ELP4: variants seen among roughly 807,000 people sequenced by gnomAD.
The protein encoded by ELP4 is elongator complex protein 4.
A neutral mutation model predicts 48.9 loss-of-function variants in ELP4; 51 were observed. That is an observed-to-expected ratio of 1.04 (90% CI 0.83 to 1.32). The LOEUF is 1.32. Ranked by LOEUF, ELP4 falls within the 40% of genes most tolerant of loss-of-function variation. ELP4 has a pLI of 0.00. For missense variants in ELP4, 519 were observed against 514.6 expected, an observed-to-expected ratio of 1.01 and a Z score of -0.08; for synonymous variants, 210 against 189.2, an observed-to-expected ratio of 1.11 and a Z score of -0.90.
intron 2 of ELP4, among the ~76,000 whole-genome samples, chr11:31,537,031 G>C (rs1460968590): frequency 1.3e-5 from 2 of 151,994 alleles, no homozygotes; most frequent in Non-Finnish European, 2.9e-5. Context: ...ATGCTTTCAT[G>C]TCCTAAGAAA....
At chr11:31,574,290 G>A (rs1957232354) in intron 3 of ELP4, among the ~76,000 whole-genome samples, 1 of 152,220 alleles carries the variant, frequency 6.6e-6, no homozygotes. Context: ...CCTCCAGGAA[G>A]CTTGAGCTGA....
intron 3 of ELP4, among the ~76,000 whole-genome samples, chr11:31,591,426 G>T (rs1447426805): frequency 3.7e-5 from 1 of 26,756 alleles, no homozygotes; most frequent in Non-Finnish European, 1.9e-4. Context: ...AAAAAAAGGG[G>T]GGGGGGGGGT....
At chr11:31,522,947 A>G (rs886339048) in intron 2 of ELP4, among the ~76,000 whole-genome samples, 1 of 151,044 alleles carries the variant, frequency 6.6e-6, no homozygotes, top group Non-Finnish European at 1.5e-5. Flanking sequence ...GCAGCCTCCA[A>G]CTCCTGGGCT....
intron 5 of ELP4, among the ~76,000 whole-genome samples, chr11:31,623,937 A>T (rs1592167981): frequency 6.6e-6 from 1 of 151,782 alleles, no homozygotes. Context: ...AGCCATACAG[A>T]TGGCCAACAC....
chr11:31,714,085 A>G (rs1034746512), intron 9 of ELP4, among the ~76,000 whole-genome samples: 3 of 152,188 alleles, frequency 2.0e-5, no homozygotes, highest in African/African-American at 7.2e-5. Flanking sequence ...AGAAAAGACC[A>G]GCACTGTATG....
intron 9 of ELP4, among the ~76,000 whole-genome samples, chr11:31,699,872 A>C (rs1946485408): frequency 6.6e-6 from 1 of 152,158 alleles, no homozygotes; most frequent in Non-Finnish European, 1.5e-5. Context: ...AATAGTAGAT[A>C]GATCTAAGTT....
At chr11:31,568,361 C>A (rs1957145668) in intron 3 of ELP4, among the ~76,000 whole-genome samples, 1 of 152,180 alleles carries the variant, frequency 6.6e-6, no homozygotes, top group Non-Finnish European at 1.5e-5. Flanking sequence ...GGCCATACTG[C>A]TCATAGCAAT....
intron 2 of ELP4, 90 bp from the exon 3 acceptor site, chr11:31,539,571 AT>A (rs1217988680): frequency 7.6e-5 from 102 of 1,337,432 alleles, no homozygotes; most frequent in Non-Finnish European, 9.6e-5. Flanking sequence ...AGGAAAAAAA[AT>A]ATAAAAACAT....
intron 3 of ELP4, among the ~76,000 whole-genome samples, chr11:31,551,615 T>C (rs971764977): frequency 2.0e-5 from 3 of 152,186 alleles, no homozygotes; most frequent in African/African-American, 7.2e-5. Context: ...CAATACACTT[T>C]TACCGTGAAC....
chr11:31,613,885 A>G (rs1315679351), intron 5 of ELP4, among the ~76,000 whole-genome samples: 1 of 151,412 alleles, frequency 6.6e-6, no homozygotes, highest in East Asian at 1.9e-4. Flanking sequence ...ATTTTTTTGT[A>G]TTTTTAATAG....
chr11:31,515,000 CATGTGTGT>C (rs1216647333), intron 1 of ELP4, among the ~76,000 whole-genome samples: 1 of 107,792 alleles, frequency 9.3e-6, no homozygotes, highest in African/African-American at 3.8e-5. Flanking sequence ...CTGCTGTATG[CATGTGTGT>C]GTGTGTGTGT....
rs148076836 is a variant in ELP4, at chr11:31,731,567, G to GGTGTGTGTGTGTGTGTGTGTGT, written c.1144-51813_1144-51792dup. 2.9e-3 allele frequency among the ~76,000 whole-genome samples: 416 copies of GGTGTGTGTGTGTGTGTGTGTGT among 142,842 alleles called. 2 individuals carry two copies. The highest frequency in any genetic ancestry group is 0.01 in the African/African-American group (377 of 37,436). The allele number at this position is 142,842 out of a possible 152,430, so 93.7% of individuals were successfully genotyped here. A position where few individuals can be genotyped will look rare whatever the true frequency, so the allele number is the denominator to read the frequency against. On this transcript the variant is annotated intron_variant, in intron 9 of 9. Transcript: ENST00000640961. ...GGGACTTATGGTACACCATTAAGCA[G>GGTGTGTGTGTGTGTGTGTGTGT]GTGTGTGTGTGTGTGTGTGTGTGTG...
intron 5 of ELP4, among the ~76,000 whole-genome samples, chr11:31,618,343 T>C (rs544094296): frequency 2.0e-4 from 30 of 152,216 alleles, no homozygotes; most frequent in African/African-American, 7.0e-4. Context: ...GTTGCCAGCA[T>C]GTTTGGTGTC....
chr11:31,635,865 A>G (rs1026438505), intron 7 of ELP4, among the ~76,000 whole-genome samples: 2 of 151,996 alleles, frequency 1.3e-5, no homozygotes, highest in Admixed American at 6.6e-5. Context: ...GCCTCTTTTT[A>G]TGAAAAACAC....
chr11:31,772,115 TTC>T (rs1481925838), intron 9 of ELP4, among the ~76,000 whole-genome samples: 1 of 120,238 alleles, frequency 8.3e-6, no homozygotes, highest in African/African-American at 3.4e-5. Flanking sequence ...CTGAATTATT[TTC>T]TTCTTTTTTT....
intron 9 of ELP4, among the ~76,000 whole-genome samples, chr11:31,659,176 G>A (rs968238272): frequency 2.0e-5 from 3 of 151,990 alleles, no homozygotes; most frequent in African/African-American, 7.2e-5. Flanking sequence ...CCCAAAAACT[G>A]GTAAAGCGGT....
chr11:31,690,173 T>C (rs1234386036), intron 9 of ELP4, among the ~76,000 whole-genome samples: 1 of 152,190 alleles, frequency 6.6e-6, no homozygotes, highest in African/African-American at 2.4e-5. Context: ...GTCTGCTGAA[T>C]AGCAAAGCCA....
chr11:31,530,901 G>A (rs74569557), intron 2 of ELP4, among the ~76,000 whole-genome samples: 176 of 152,216 alleles, frequency 1.2e-3, no homozygotes, highest in African/African-American at 4.1e-3. Flanking sequence ...GAATAGAACA[G>A]GACAAGCATC....
chr11:31,575,196 G>A (rs2133962134), intron 3 of ELP4, among the ~76,000 whole-genome samples: 1 of 152,334 alleles, frequency 6.6e-6, no homozygotes, highest in African/African-American at 2.4e-5. Flanking sequence ...ATCAGTGATT[G>A]AAGAGCAAAT....
Sources: allele counts gnomAD v4.1 joint callset (sites outside exome capture counted in the v4.1 genomes callset), GRCh38; gene constraint gnomAD v4.1.1; transcripts MANE v1.5; gene names NCBI Gene and HGNC (gene_info 2026-07-23, HGNC 2026-07-21).